The following RALYL variants were observed in gnomAD, a reference collection of about 807,000 sequenced individuals.
RALYL encodes the protein RNA-binding Raly-like protein.
Under a neutral mutation model 35.1 loss-of-function variants are expected in RALYL, and 29 were observed. That is an observed-to-expected ratio of 0.83 (90% CI 0.61 to 1.13). RALYL has a LOEUF of 1.13. Among genes scored for constraint, RALYL ranks in the 50% most tolerant of loss-of-function variants. The pLI is 0.00. For synonymous variants in RALYL, 120 were observed against 127.6 expected (o/e 0.94, Z 0.40); for missense variants, 359 against 360.4 (o/e 1.00, Z 0.03).
chr8:84,781,520 T>G (rs543480108), intron 3 of RALYL, among the ~76,000 whole-genome samples: 1 of 152,356 alleles, frequency 6.6e-6, no homozygotes, highest in African/African-American at 2.4e-5. Context: ...GAGGGAGAAC[T>G]TAATGCAGAG....
chr8:84,407,515 G>C (rs2043663173), intron 1 of RALYL, among the ~76,000 whole-genome samples: 1 of 152,016 alleles, frequency 6.6e-6, no homozygotes, highest in South Asian at 2.1e-4. Flanking sequence ...TGCAAAGGTA[G>C]TGAAAATACC....
At chr8:84,780,550 T>C (rs1218794877) in intron 3 of RALYL, among the ~76,000 whole-genome samples, 2 of 152,194 alleles carry the variant, frequency 1.3e-5, no homozygotes, top group African/African-American at 4.8e-5. Context: ...GGGTCAAACA[T>C]TCACTTTATT....
chr8:84,419,494 C>G (rs1008380841), intron 1 of RALYL, among the ~76,000 whole-genome samples: 1 of 151,980 alleles, frequency 6.6e-6, no homozygotes, highest in African/African-American at 2.4e-5. Flanking sequence ...TTGGCTAGTA[C>G]TATCCTGAGA....
intron 1 of RALYL, among the ~76,000 whole-genome samples, chr8:84,397,732 AGAGCCCCTCCTG>A (rs1454882914): frequency 2.0e-5 from 3 of 152,212 alleles, no homozygotes; most frequent in Non-Finnish European, 2.9e-5. Context: ...ACACATTCAA[AGAGCCCCTCCTG>A]GTAATCTGTG....
At chr8:84,437,779 A>G (rs535276842) in intron 1 of RALYL, among the ~76,000 whole-genome samples, 1 of 152,048 alleles carries the variant, frequency 6.6e-6, no homozygotes, top group South Asian at 2.1e-4. Flanking sequence ...AGTGTGTGGC[A>G]CTTCTCCTTC....
chr8:84,468,436 C>A (rs369748383), intron 1 of RALYL, among the ~76,000 whole-genome samples: 2 of 150,866 alleles, frequency 1.3e-5, no homozygotes, highest in South Asian at 4.4e-4. Flanking sequence ...ATTCTGGGTT[C>A]AAAATTCTTT....
intron 3 of RALYL, among the ~76,000 whole-genome samples, chr8:84,790,482 A>G (rs1304961999): frequency 6.6e-6 from 1 of 152,206 alleles, no homozygotes; most frequent in Non-Finnish European, 1.5e-5. Flanking sequence ...GACCAAATTC[A>G]GCCTATATTA....
At chr8:84,514,426 C>T (rs117567522) in intron 1 of RALYL, among the ~76,000 whole-genome samples, 4,585 of 152,208 alleles carry the variant, frequency 0.03, 116 homozygotes, top group Non-Finnish European at 0.038. Flanking sequence ...GTTTGTTTCT[C>T]ACAGTTTTAG....
At chr8:84,411,503 T>A (rs1295772933) in intron 1 of RALYL, among the ~76,000 whole-genome samples, 1 of 151,924 alleles carries the variant, frequency 6.6e-6, no homozygotes, top group Non-Finnish European at 1.5e-5. Context: ...TACTTTTTTT[T>A]TTCCTGGTTT....
chr8:84,555,612 TG>T (rs2061059230), intron 2 of RALYL, among the ~76,000 whole-genome samples: 1 of 152,228 alleles, frequency 6.6e-6, no homozygotes, highest in African/African-American at 2.4e-5. Flanking sequence ...ATAAAAGTAA[TG>T]TGAATGTTCT....
chr8:84,738,796 A>G (rs368778950), intron 2 of RALYL, among the ~76,000 whole-genome samples: 5 of 152,164 alleles, frequency 3.3e-5, no homozygotes, highest in East Asian at 3.9e-4. Context: ...GTGAACATCA[A>G]TGGGGAAGTA....
chr8:84,650,682 G>T (rs1377970201), intron 2 of RALYL, among the ~76,000 whole-genome samples: 7 of 151,822 alleles, frequency 4.6e-5, no homozygotes, highest in African/African-American at 1.7e-4. Flanking sequence ...CAGGGATCTA[G>T]AACTAGAAAT....
intron 1 of RALYL, among the ~76,000 whole-genome samples, chr8:84,399,390 A>G (rs569857240): frequency 6.6e-6 from 1 of 152,286 alleles, no homozygotes; most frequent in South Asian, 2.1e-4. Flanking sequence ...CTTAAAGACT[A>G]CCAATAAGTG....
At chr8:84,397,129 G>A (rs558172892) in intron 1 of RALYL, among the ~76,000 whole-genome samples, 7 of 152,208 alleles carry the variant, frequency 4.6e-5, no homozygotes, top group Admixed American at 2.0e-4. Context: ...GGCAGAGGCC[G>A]GGGTGATGTG....
chr8:84,297,037 A>G (rs189446761), intron 1 of RALYL, among the ~76,000 whole-genome samples: 10 of 151,710 alleles, frequency 6.6e-5, no homozygotes, highest in Admixed American at 2.6e-4. Context: ...TTAAGACAGT[A>G]CAGGCATTTC....
intron 1 of RALYL, among the ~76,000 whole-genome samples, chr8:84,368,594 G>GT (rs1453669324): frequency 2.0e-5 from 3 of 152,138 alleles, no homozygotes; most frequent in African/African-American, 7.2e-5. Flanking sequence ...ATGGTGGAAG[G>GT]TGAAAGGCAC....
chr8:84,891,390 A>G (rs964584746), intron 8 of RALYL, among the ~76,000 whole-genome samples: 1 of 152,222 alleles, frequency 6.6e-6, no homozygotes. Context: ...AGAAATTTCA[A>G]AAACCATTCT....
At chr8:84,586,430 A>G (rs1298593733) in intron 2 of RALYL, among the ~76,000 whole-genome samples, 4 of 152,188 alleles carry the variant, frequency 2.6e-5, no homozygotes, top group Non-Finnish European at 5.9e-5. Context: ...CAGGCACATC[A>G]AGGCTTAAAC....
chr8:84,482,373 CA>C (rs2054140114), intron 1 of RALYL, among the ~76,000 whole-genome samples: 1 of 151,986 alleles, frequency 6.6e-6, no homozygotes, highest in African/African-American at 2.4e-5. Flanking sequence ...TTAGCACAAC[CA>C]ATTTTATTTT....
Sources: allele counts gnomAD v4.1 joint callset (sites outside exome capture counted in the v4.1 genomes callset), GRCh38; gene constraint gnomAD v4.1.1; transcripts MANE v1.5; gene names NCBI Gene and HGNC (gene_info 2026-07-23, HGNC 2026-07-21).